Variants in PITPNM3 observed in about 807,000 individuals in gnomAD.
The protein encoded by PITPNM3 is PITPNM family member 3, also known as membrane-associated phosphatidylinositol transfer protein 3.
A neutral mutation model predicts 102.0 loss-of-function variants in PITPNM3; 26 were observed. That is an observed-to-expected ratio of 0.25 (90% CI 0.19 to 0.35). The LOEUF (loss-of-function observed/expected upper bound fraction) is 0.35, where lower values mean the gene tolerates loss of function less well. PITPNM3 is among the 10% of genes least tolerant of loss of function. PITPNM3 has a pLI of 1.00. For missense variants in PITPNM3, 1,083 were observed against 1,346.1 expected, an observed-to-expected ratio of 0.80 and a Z score of 3.06; for synonymous variants, 578 against 558.6, an observed-to-expected ratio of 1.03 and a Z score of -0.49.
rs200418753 is a variant in PITPNM3, at chr17:6,478,036, G to A, written c.839C>T (p.Ala280Val). ...LLAFDAICYS[A>V]GPSGDSPASS... ...GGCAGGGCTGTCCCCTGAGGGCCCC[G>A]CACTGTAGCAGATGGCATCGAAGGC... is the stretch of plus-strand genomic sequence containing the variant. Residue 280 changes from alanine (A) to valine (V), a missense_variant, in exon 8 of 20, where the codon GCG becomes GTG. Physicochemically the swap from Ala to Val is moderately conservative, Grantham distance 64. Coordinates refer to ENST00000262483, the MANE Select transcript of PITPNM3 (RefSeq NM_031220.4). This position sits in a 1 kb window ranked among gnomAD's most constrained non-coding sequence, Gnocchi z 4.4. 5.4e-5 allele frequency: 87 copies of A among 1,613,482 alleles called. 1 individual carries two copies. In the Admixed American group the frequency reaches 5.5e-4, roughly 10 times the overall value.
intron 3 of PITPNM3, among the ~76,000 whole-genome samples, chr17:6,508,376 C>A (rs955498266): frequency 2.6e-5 from 4 of 152,204 alleles, no homozygotes; most frequent in Admixed American, 1.3e-4. Flanking sequence ...GGCTGCTGAG[C>A]CTCAGCGAGG....
In PITPNM3 at chr17:6,516,089, G is replaced by C. The variant is rs372592845; in HGVS notation, c.226+9267C>G. Among the ~76,000 whole-genome samples, 16 of 151,868 alleles carry C rather than the reference G, an allele frequency of 1.1e-4. No individual in the cohort carries two copies. In the East Asian group the frequency reaches 2.7e-3, roughly 26 times the overall value. On this transcript the variant is annotated intron_variant, in intron 3 of 19. Transcript: ENST00000262483. ...TCAGAAGGCTGAGGCAGGAGAATGA[G>C]ACCCAATCTCTAAAAACAAAACAAA...
chr17:6,475,980 G>A (rs1015217395), intron 9 of PITPNM3, among the ~76,000 whole-genome samples: 5 of 152,210 alleles, frequency 3.3e-5, no homozygotes, highest in Admixed American at 1.3e-4. Context: ...ATACATTAAC[G>A]TTTATGCACA....
intron 9 of PITPNM3, among the ~76,000 whole-genome samples, chr17:6,475,198 T>C (rs886556086): frequency 2.2e-4 from 33 of 152,140 alleles, no homozygotes; most frequent in African/African-American, 6.3e-4. Flanking sequence ...AACAGCTTGG[T>C]CTCCCCACCC....
chr17:6,488,451 T>A (rs140222319), intron 4 of PITPNM3, among the ~76,000 whole-genome samples: 19 of 151,808 alleles, frequency 1.3e-4, no homozygotes, highest in African/African-American at 4.6e-4. Context: ...CTCGTCTATT[T>A]CCCCATCAGA....
intron 4 of PITPNM3, among the ~76,000 whole-genome samples, chr17:6,495,930 C>A (rs1390819994): frequency 6.6e-6 from 1 of 152,182 alleles, no homozygotes; most frequent in Non-Finnish European, 1.5e-5. Context: ...CCATCTCTGC[C>A]CGACTCAGCC....
chr17:6,484,116 CGAA>C, intron 5 of PITPNM3, 97 bp downstream of exon 5: 1 of 1,326,642 alleles, frequency 7.5e-7, no homozygotes. Context: ...GCAAGTCAGA[CGAA>C]GAGCTGGAAG....
intron 14 of PITPNM3, 42 bp from the exon 15 acceptor site, chr17:6,464,813 G>C: frequency 6.3e-7 from 1 of 1,591,044 alleles, no homozygotes; most frequent in Non-Finnish European, 8.6e-7. Context: ...TTGCAAGGGA[G>C]GCTCAACCTT....
intron 5 of PITPNM3, 34 bp from the exon 6 acceptor site, chr17:6,483,786 A>G: frequency 6.3e-7 from 1 of 1,596,400 alleles, no homozygotes. Flanking sequence ...ACAGAGAGAG[A>G]GGCGGCTGGG....
chr17:6,463,300 A>AT, intron 17 of PITPNM3, among the ~76,000 whole-genome samples: 1 of 152,024 alleles, frequency 6.6e-6, no homozygotes, highest in Admixed American at 6.5e-5. Context: ...CCTGTGACTT[A>AT]TTTTCCCCAC....
chr17:6,468,111 G>C lies in PITPNM3; in HGVS notation c.1890+114C>G. Reference sequence around the variant, plus strand: ...GAGCCCCAGCCTGTTTGGGTGCTGAGCTCTGAGGACAAATTGAAGCGCTTA... The same window carrying C: ...GAGCCCCAGCCTGTTTGGGTGCTGACCTCTGAGGACAAATTGAAGCGCTTA... On this transcript the variant is annotated intron_variant, in intron 14 of 19. Coordinates refer to ENST00000262483, the MANE Select transcript of PITPNM3 (RefSeq NM_031220.4). This position sits in a 1 kb window ranked among gnomAD's most constrained non-coding sequence, Gnocchi z 5.2. 1 of 1,009,278 alleles carries C rather than the reference G, an allele frequency of 9.9e-7. No individual in the cohort carries two copies. The highest frequency in any genetic ancestry group is 1.5e-6 in the Non-Finnish European group (1 of 647,212). 62.5% of individuals were successfully genotyped at this position (1,009,278 alleles called of 1,614,324 possible). A position where few individuals can be genotyped will look rare whatever the true frequency, so the allele number is the denominator to read the frequency against.
chr17:6,530,227 CTTGGGG>C (rs1909070754), intron 2 of PITPNM3, among the ~76,000 whole-genome samples: 1 of 152,196 alleles, frequency 6.6e-6, no homozygotes, highest in Admixed American at 6.5e-5. Context: ...TTCTCTCACC[CTTGGGG>C]TTGGAAACTG....
intron 1 of PITPNM3, among the ~76,000 whole-genome samples, chr17:6,553,929 A>T (rs1047794895): frequency 1.3e-5 from 2 of 152,042 alleles, no homozygotes; most frequent in African/African-American, 2.4e-5. Context: ...AAGCTCACCA[A>T]TCTATTCTTC....
intron 1 of PITPNM3, among the ~76,000 whole-genome samples, chr17:6,547,535 C>A (rs1182566178): frequency 3.3e-5 from 5 of 152,138 alleles, no homozygotes; most frequent in Non-Finnish European, 7.3e-5. Context: ...CACTGTGCCA[C>A]AACAGGCTCT....
At chr17:6,523,282 T>A (rs1377436081) in intron 3 of PITPNM3, among the ~76,000 whole-genome samples, 1 of 152,196 alleles carries the variant, frequency 6.6e-6, no homozygotes, top group Non-Finnish European at 1.5e-5. Flanking sequence ...TATCATCTCA[T>A]TTAATCATCA....
chr17:6,544,724 A>G (rs777749187), intron 1 of PITPNM3, among the ~76,000 whole-genome samples: 1 of 151,522 alleles, frequency 6.6e-6, no homozygotes, highest in Non-Finnish European at 1.5e-5. Context: ...CTACAAGCAC[A>G]AGCATCAGGG....
intron 4 of PITPNM3, among the ~76,000 whole-genome samples, chr17:6,488,080 C>G (rs191647825): frequency 6.6e-6 from 1 of 152,024 alleles, no homozygotes; most frequent in African/African-American, 2.4e-5. Flanking sequence ...AGCTTCCCCA[C>G]AGAAAGGCAC....
chr17:6,529,073 G>C (rs1293834870), intron 2 of PITPNM3, among the ~76,000 whole-genome samples: 4 of 152,096 alleles, frequency 2.6e-5, no homozygotes, highest in Non-Finnish European at 5.9e-5. Flanking sequence ...CATGGTTTTA[G>C]CATGTACTTC....
intron 1 of PITPNM3, among the ~76,000 whole-genome samples, chr17:6,553,669 G>C (rs909394295): frequency 2.0e-5 from 3 of 152,206 alleles, no homozygotes; most frequent in Admixed American, 6.5e-5. Context: ...TCATGGTGCA[G>C]ACCCCTCATT....
Sources: allele counts gnomAD v4.1 joint callset (sites outside exome capture counted in the v4.1 genomes callset), GRCh38; gene constraint gnomAD v4.1.1; non-coding constraint Gnocchi (gnomAD v3.1); transcripts MANE v1.5; gene names NCBI Gene and HGNC (gene_info 2026-07-23, HGNC 2026-07-21).